The following SLCO3A1 variants were observed in gnomAD, a reference collection of about 807,000 sequenced individuals.
SLCO3A1 encodes PGE1 transporter.
In SLCO3A1, 27 loss-of-function variants were observed where a neutral mutation model predicts 63.1. The observed-to-expected ratio is 0.43, with a 90% CI of 0.32 to 0.59. SLCO3A1 has a LOEUF of 0.59. Among genes scored for constraint, SLCO3A1 ranks in the 20% least tolerant of loss-of-function variants. SLCO3A1 has a pLI of 0.09. For missense variants in SLCO3A1, 773 were observed against 945.8 expected (o/e 0.82, Z 2.40); for synonymous variants, 473 against 409.9 (o/e 1.15, Z -1.86).
chr15:91,930,701 A>T (rs542069444), intron 2 of SLCO3A1, among the ~76,000 whole-genome samples: 9 of 152,330 alleles, frequency 5.9e-5, no homozygotes, highest in African/African-American at 2.2e-4. Flanking sequence ...TTCTGTCTGT[A>T]GGAGTAATAA....
chr15:92,114,709 C>T (rs1037632614), intron 4 of SLCO3A1, among the ~76,000 whole-genome samples: 3 of 152,162 alleles, frequency 2.0e-5, no homozygotes, highest in African/African-American at 7.2e-5. Context: ...TCTCTTCTGT[C>T]TGTGGGTCTC....
intron 2 of SLCO3A1, among the ~76,000 whole-genome samples, chr15:92,049,785 A>G (rs922552273): frequency 2.0e-5 from 3 of 152,214 alleles, no homozygotes; most frequent in African/African-American, 4.8e-5. Context: ...CCATTCAGGA[A>G]GACATCTGGG....
In SLCO3A1 at chr15:92,027,743, A is replaced by G. The variant is rs118111102; in HGVS notation, c.647-67138A>G. On this transcript the variant is annotated intron_variant, in intron 2 of 9. Transcript: ENST00000318445. ...AAACACAAAGACACACTTACCACATAAACGAAGCAGTTTGCACAGGCTGGA... is the reference window on the plus strand; with the variant it reads ...AAACACAAAGACACACTTACCACATGAACGAAGCAGTTTGCACAGGCTGGA... 3.3e-3 allele frequency among the ~76,000 whole-genome samples: 502 copies of G among 152,354 alleles called. 4 individuals carry two copies. Among genetic ancestry groups the G allele is most frequent in the East Asian group, 0.025 (128 of 5,192 alleles).
At chr15:91,924,987 GA>G (rs888877132) in intron 2 of SLCO3A1, among the ~76,000 whole-genome samples, 1 of 152,190 alleles carries the variant, frequency 6.6e-6, no homozygotes, top group African/African-American at 2.4e-5. Flanking sequence ...AGGATGACCT[GA>G]AGAAAGGTGA....
intron 2 of SLCO3A1, among the ~76,000 whole-genome samples, chr15:91,988,678 A>G (rs1370650415): frequency 6.6e-6 from 1 of 151,586 alleles, no homozygotes; most frequent in African/African-American, 2.4e-5. Flanking sequence ...AGTTTGTAAT[A>G]ACTCTAAGGT....
intron 2 of SLCO3A1, among the ~76,000 whole-genome samples, chr15:92,034,333 G>C (rs2046696066): frequency 6.7e-6 from 1 of 149,692 alleles, no homozygotes; most frequent in Admixed American, 6.7e-5. Context: ...GATGGGGATG[G>C]CTCAGAGAGA....
chr15:92,063,965 T>A (rs527362726), intron 2 of SLCO3A1, among the ~76,000 whole-genome samples: 2 of 152,372 alleles, frequency 1.3e-5, no homozygotes, highest in South Asian at 4.1e-4. Context: ...GAGCAGCCTA[T>A]GAAAGGCTAT....
chr15:91,932,560 A>G (rs534687917), intron 2 of SLCO3A1, among the ~76,000 whole-genome samples: 1 of 152,028 alleles, frequency 6.6e-6, no homozygotes, highest in South Asian at 2.1e-4. Context: ...ATTCTGCCTC[A>G]GCCTCCTGAG....
At chr15:92,079,226 T>C (rs2047314112) in intron 2 of SLCO3A1, among the ~76,000 whole-genome samples, 1 of 152,196 alleles carries the variant, frequency 6.6e-6, no homozygotes, top group Non-Finnish European at 1.5e-5. Flanking sequence ...TAGTACTCCA[T>C]GCCACTAGGG....
chr15:91,951,151 C>T (rs1050036799), intron 2 of SLCO3A1, among the ~76,000 whole-genome samples: 1 of 152,166 alleles, frequency 6.6e-6, no homozygotes, highest in Non-Finnish European at 1.5e-5. Context: ...CAAGGCAGTA[C>T]AACCATCACC....
chr15:91,959,739 A>AG (rs1900371290), intron 2 of SLCO3A1, among the ~76,000 whole-genome samples: 2 of 151,652 alleles, frequency 1.3e-5, no homozygotes, highest in African/African-American at 4.8e-5. Context: ...AAAAAAAAAA[A>AG]AAAAGAAAAG....
chr15:91,953,059 G>A (rs1008953718), intron 2 of SLCO3A1, among the ~76,000 whole-genome samples: 2 of 152,134 alleles, frequency 1.3e-5, no homozygotes, highest in Non-Finnish European at 2.9e-5. Context: ...AAGCTGCCTC[G>A]GGAAATAACC....
intron 2 of SLCO3A1, among the ~76,000 whole-genome samples, chr15:92,050,949 C>T (rs1051056966): frequency 1.3e-5 from 2 of 152,172 alleles, no homozygotes; most frequent in Non-Finnish European, 2.9e-5. Context: ...GACACTCAGC[C>T]TTCAGACATA....
At position 92,165,710 on chromosome 15, in the gene SLCO3A1, A is replaced by G; in HGVS notation, c.*2575A>G. ...GTCTTTTAAAATTTTAATTATTCTC[A>G]TATAGTACCGAACAGAAAACTCAGT... is the stretch of plus-strand genomic sequence containing the variant. On this transcript the variant is annotated 3_prime_UTR_variant, in exon 10 of 10. Coordinates refer to ENST00000318445, the MANE Select transcript of SLCO3A1 (RefSeq NM_013272.4). The G allele has an allele frequency of 2.0e-6, 2 of 985,214 alleles. No homozygotes were observed. The highest frequency in any genetic ancestry group is 2.4e-6 in the Non-Finnish European group (2 of 829,724). The allele number at this position is 985,214 out of a possible 1,614,324, so 61.0% of individuals were successfully genotyped here.
intron 1 of SLCO3A1, among the ~76,000 whole-genome samples, chr15:91,901,075 C>G (rs1219369739): frequency 1.3e-5 from 2 of 151,654 alleles, no homozygotes; most frequent in South Asian, 2.1e-4. Flanking sequence ...TTTTTTGTTC[C>G]TTTGTTTCTT....
At chr15:92,018,015 T>C (rs1270732114) in intron 2 of SLCO3A1, among the ~76,000 whole-genome samples, 1 of 152,012 alleles carries the variant, frequency 6.6e-6, no homozygotes, top group Non-Finnish European at 1.5e-5. Context: ...GGAGGATGGA[T>C]GGGAGGTGCC....
Position 91,916,243 on chromosome 15 carries a change from C to T in SLCO3A1, c.431C>T (p.Ala144Val). Residue 144 changes from alanine (A) to valine (V), a missense_variant, in exon 2 of 10, where the codon GCC (alanine) becomes GTC (valine). Physicochemically the swap from Ala to Val is moderately conservative, Grantham distance 64. Around this residue, in one of 3 missense-constraint regions of SLCO3A1, gnomAD observed 565 missense variants for 749.8 expected, o/e 0.75. Transcript: ENST00000318445. This position sits in a 1 kb window ranked among gnomAD's most constrained non-coding sequence, Gnocchi z 6.2. ...KYEAGEIRWGAEGRDVCAANG... is the reference protein window; with the variant it reads ...KYEAGEIRWGVEGRDVCAANG... ...GAGGCGGGCGAGATCCGCTGGGGCGCCGAGGGCCGCGACGTCTGCGCAGCC... is the reference window on the plus strand; with the variant it reads ...GAGGCGGGCGAGATCCGCTGGGGCGTCGAGGGCCGCGACGTCTGCGCAGCC... The T allele has an allele frequency of 6.4e-7, 1 of 1,566,122 alleles. No individual in the cohort carries two copies. Among genetic ancestry groups the T allele is most frequent in the Non-Finnish European group, 8.6e-7 (1 of 1,156,706 alleles).
At chr15:91,997,346 G>A (rs369886140) in intron 2 of SLCO3A1, among the ~76,000 whole-genome samples, 10 of 152,300 alleles carry the variant, frequency 6.6e-5, no homozygotes, top group African/African-American at 1.7e-4. Flanking sequence ...ACTGCTGAAT[G>A]ATGTCATAGA....
intron 2 of SLCO3A1, among the ~76,000 whole-genome samples, chr15:91,989,588 C>T (rs2046100665): frequency 6.6e-6 from 1 of 152,202 alleles, no homozygotes. Flanking sequence ...GTTGCAGAGT[C>T]ATGGTACAAA....
Sources: gnomAD v4.1 joint callset for allele counts (sites outside exome capture counted in the v4.1 genomes callset) on GRCh38, gnomAD v4.1.1 for gene constraint, gnomAD v4.1.1 regional missense constraint, Gnocchi (gnomAD v3.1) non-coding constraint, MANE v1.5 for transcripts, NCBI Gene and HGNC (gene_info 2026-07-23, HGNC 2026-07-21) for gene names.